The following SMC4 variants were observed in gnomAD, a reference collection of about 807,000 sequenced individuals.
SMC4 encodes the protein structural maintenance of chromosomes protein 4.
A neutral mutation model predicts 145.6 loss-of-function variants in SMC4; 87 were observed. The observed-to-expected ratio is 0.60, with a 90% CI of 0.50 to 0.71. The LOEUF is 0.71. SMC4 is among the 30% of genes least tolerant of loss of function. The probability of loss-of-function intolerance (pLI) is 0.00; values close to 1 mark genes in which losing one functional copy is unlikely to be tolerated. For synonymous variants in SMC4, 558 were observed against 500.7 expected (o/e 1.11, Z -1.53); for missense variants, 1,447 against 1,537.1 (o/e 0.94, Z 0.98).
chr3:160,423,749 CCT>C lies in SMC4; in HGVS notation c.2246-11_2246-10del, dbSNP rs749775840. The C allele has an allele frequency of 3.6e-5, 58 of 1,612,250 alleles. No individual in the cohort carries two copies. The highest frequency in any genetic ancestry group is 1.7e-4 in the African/African-American group (13 of 74,820). On this transcript the variant is annotated splice_polypyrimidine_tract_variant and intron_variant, in intron 14 of 23. Coordinates refer to ENST00000357388, the MANE Select transcript of SMC4 (RefSeq NM_001002800.3). ...AGACATCTGAAGCTGACTTCTCTCC[CCT>C]GTTTTCCAGGTACAATGACTGGTGG... is the stretch of plus-strand genomic sequence containing the variant.
intron 5 of SMC4, among the ~76,000 whole-genome samples, chr3:160,407,078 T>C (rs568791018): frequency 1.1e-4 from 17 of 152,300 alleles, no homozygotes; most frequent in African/African-American, 3.6e-4. Flanking sequence ...AGGGGTGCTT[T>C]TGCTCCATTC....
Position 160,417,790 on chromosome 3 carries a change from C to T in SMC4, c.1505C>T (p.Ala502Val), listed in dbSNP as rs1352297836. Residue 502 changes from alanine to valine, a missense_variant, in exon 11 of 24, where the codon GCC (alanine) becomes GTC (valine). Coordinates refer to ENST00000357388, the MANE Select transcript of SMC4 (RefSeq NM_001002800.3). ...VNEARSKMDVAQSELDIYLSR... is the reference protein window; with the variant it reads ...VNEARSKMDVVQSELDIYLSR... ...GAAGCACGTTCAAAGATGGATGTAG[C>T]CCAGTCAGAACTTGATATCTATCTC... 3 of 1,613,546 alleles carry T rather than the reference C, an allele frequency of 1.9e-6. No individual in the cohort carries two copies. Among genetic ancestry groups the T allele is most frequent in the Non-Finnish European group, 1.7e-6 (2 of 1,179,808 alleles).
In SMC4 at chr3:160,404,593, G is replaced by A. The variant is rs773954608; in HGVS notation, c.687+89G>A. On this transcript the variant is annotated intron_variant, in intron 5 of 23. Coordinates refer to ENST00000357388, the MANE Select transcript of SMC4 (RefSeq NM_001002800.3). Reference sequence around the variant, plus strand: ...GTTGGATGAATCCTACATTTTTGAGGCCTTAAAGTACTGTAGCAGCACATC... The same window carrying A: ...GTTGGATGAATCCTACATTTTTGAGACCTTAAAGTACTGTAGCAGCACATC... 2.5e-6 allele frequency: 3 copies of A among 1,181,804 alleles called. No individual in the cohort carries two copies. The African/African-American group carries it at 4.5e-5, about 18-fold the overall frequency. 73.2% of individuals were successfully genotyped at this position (1,181,804 alleles called of 1,614,324 possible). A position where few individuals can be genotyped will look rare whatever the true frequency, so the allele number is the denominator to read the frequency against.
At chr3:160,412,643 C>T in intron 7 of SMC4, 190 bp downstream of exon 7, 1 of 1,145,292 alleles carries the variant, frequency 8.7e-7, no homozygotes, top group Non-Finnish European at 1.1e-6. Context: ...AGGAGGATCA[C>T]TTGAGGCTGG....
Position 160,432,435 on chromosome 3 carries a change from C to A in SMC4, c.3450C>A (p.Tyr1150Ter), listed in dbSNP as rs1320258171. 1.2e-6 allele frequency: 2 copies of A among 1,613,048 alleles called. No homozygotes were observed. Among genetic ancestry groups the A allele is most frequent in the South Asian group, 1.1e-5 (1 of 90,842 alleles). Residue 1150 changes from tyrosine to a stop codon, truncating the protein, a stop_gained, in exon 22 of 24, where the codon TAC becomes TAA. Transcript: ENST00000357388. LOFTEE classifies it high-confidence loss of function. ...YIITNKLKEN[Y>*]QMLTLGGDAE... ...TAACAAATAAATTAAAGGAAAATTA[C>A]CAAATGCTTACTTTGGGAGGGGACG...
chr3:160,402,917 T>G, intron 4 of SMC4, 50 bp downstream of exon 4: 1 of 1,291,836 alleles, frequency 7.7e-7, no homozygotes, highest in Non-Finnish European at 1.1e-6. Context: ...AAAATGGACT[T>G]AAATGCATTA....
chr3:160,424,917 A>C lies in SMC4; in HGVS notation c.2376A>C (p.Gln792His), dbSNP rs887890715. The change falls in exon 16 of 24, where the codon CAA becomes CAC. Residue 792 changes from glutamine (Q) to histidine (H), a missense_variant. Coordinates refer to ENST00000357388, the MANE Select transcript of SMC4 (RefSeq NM_001002800.3). ...QLQNDSKKAM[Q>H]IQEQKVQLEE... ...AAAACGACTCTAAAAAAGCAATGCA[A>C]ATCCAAGAACAGAAAGTACAACTTG... 7 of 1,614,008 alleles carry C rather than the reference A, an allele frequency of 4.3e-6. No individual in the cohort carries two copies. Among genetic ancestry groups the C allele is most frequent in the Admixed American group, 1.7e-5 (1 of 59,996 alleles).
chr3:160,414,037 T>G (rs1716328289), intron 8 of SMC4: 1 of 379,938 alleles, frequency 2.6e-6, no homozygotes, highest in Non-Finnish European at 4.9e-6. Context: ...ATAGTAAGTT[T>G]ATTGTATAGT....
chr3:160,427,380 T>C (rs553778437), intron 17 of SMC4, among the ~76,000 whole-genome samples: 2 of 152,252 alleles, frequency 1.3e-5, no homozygotes, highest in African/African-American at 4.8e-5. Flanking sequence ...ACACAAACCA[T>C]TGTGGCTGGA....
At position 160,423,464 on chromosome 3, in the gene SMC4, C is replaced by G. The variant is rs754925702; in HGVS notation, c.2059C>G (p.Pro687Ala). The G allele has an allele frequency of 1.2e-6, 2 of 1,605,342 alleles. No homozygotes were observed. Among genetic ancestry groups the G allele is most frequent in the East Asian group, 4.5e-5 (2 of 44,636 alleles). ...WAKKMTEIQT[P>A]ENTPRLFDLV... ...GAAAAAGATGACCGAAATTCAAACT[C>G]CTGAAAATACTCCTCGTTTATTTGA... The change falls in exon 14 of 24, where the codon CCT becomes GCT. Residue 687 changes from proline (P) to alanine (A), a missense_variant. Physicochemically the swap from Pro to Ala is conservative, Grantham distance 27. Coordinates refer to ENST00000357388, the MANE Select transcript of SMC4 (RefSeq NM_001002800.3).
At chr3:160,404,248 T>C (rs1226006159) in intron 4 of SMC4, 80 bp from the exon 5 acceptor site, 7 of 1,304,720 alleles carry the variant, frequency 5.4e-6, no homozygotes, top group South Asian at 1.4e-5. Context: ...TTAGTTTCAG[T>C]ATGAAATGAG....
At chr3:160,401,402 G>A (rs1434385713) in intron 2 of SMC4, among the ~76,000 whole-genome samples, 1 of 152,124 alleles carries the variant, frequency 6.6e-6, no homozygotes, top group African/African-American at 2.4e-5. Flanking sequence ...TTAAAGAGAA[G>A]ACGATAATTT....
chr3:160,412,499 C>T lies in SMC4; in HGVS notation c.980+46C>T, dbSNP rs143295833. 6.8e-4 allele frequency: 1,044 copies of T among 1,539,924 alleles called. 4 individuals carry two copies. In the African/African-American group the frequency reaches 0.011, roughly 17 times the overall value. ...TACCAATTTTTATATTAGTTTTTAACCATTAAGTCAAAGCCCTTCTCTTTT... is the reference window on the plus strand; with the variant it reads ...TACCAATTTTTATATTAGTTTTTAATCATTAAGTCAAAGCCCTTCTCTTTT... On this transcript the variant is annotated intron_variant, in intron 7 of 23. Coordinates refer to ENST00000357388, the MANE Select transcript of SMC4 (RefSeq NM_001002800.3).
At chr3:160,402,972 G>A (rs1452204024) in intron 4 of SMC4, 105 bp downstream of exon 4, 20 of 754,784 alleles carry the variant, frequency 2.6e-5, no homozygotes, top group Non-Finnish European at 3.9e-5. Context: ...TAATTACAGC[G>A]GAAAGCATTG....
rs1455236521 is a variant in SMC4 at position 160,434,010 on chromosome 3, T to A, written c.*201T>A. On this transcript the variant is annotated 3_prime_UTR_variant, in exon 24 of 24. Transcript: ENST00000357388. ...AGATTACAAAAATATGACAATCTTG[T>A]AAGTAGCAGACTATGGAGAAAAATG... 1 of 412,732 alleles carries A rather than the reference T, an allele frequency of 2.4e-6. No homozygotes were observed. The highest frequency in any genetic ancestry group is 4.9e-5 in the Admixed American group (1 of 20,362). 25.6% of individuals were successfully genotyped at this position (412,732 alleles called of 1,614,324 possible). A position where few individuals can be genotyped will look rare whatever the true frequency, so the allele number is the denominator to read the frequency against.
rs1156810750 is a variant in SMC4, at chr3:160,434,444, GAAGT to G, written c.*639_*642del. 1.3e-5 allele frequency: 2 copies of G among 152,162 alleles called. No individual in the cohort carries two copies. Among genetic ancestry groups the G allele is most frequent in the East Asian group, 1.9e-4 (1 of 5,190 alleles). The allele number at this position is 152,162 out of a possible 1,614,324, so 9.4% of individuals were successfully genotyped here. A position where few individuals can be genotyped will look rare whatever the true frequency, so the allele number is the denominator to read the frequency against. ...CCCACTATAGTTGCTTCATGAGTATGAAGTAAGATGGCCTCTGATTTACACTGGT... is the reference window on the plus strand; with the variant it reads ...CCCACTATAGTTGCTTCATGAGTATGAAGATGGCCTCTGATTTACACTGGT... On this transcript the variant is annotated 3_prime_UTR_variant, in exon 24 of 24. Coordinates refer to ENST00000357388, the MANE Select transcript of SMC4 (RefSeq NM_001002800.3).
At chr3:160,412,529 G>C in intron 7 of SMC4, 76 bp downstream of exon 7, 1 of 1,463,608 alleles carries the variant, frequency 6.8e-7, no homozygotes, top group Non-Finnish European at 9.0e-7. Context: ...TCTTTTCCTA[G>C]AGAAACATGA....
intron 5 of SMC4, among the ~76,000 whole-genome samples, chr3:160,410,867 C>T (rs190120190): frequency 3.0e-4 from 45 of 152,306 alleles, no homozygotes; most frequent in Middle Eastern, 3.4e-3. Context: ...AAACAATATA[C>T]TATTTTTAAT....
In SMC4 at chr3:160,420,691, C is replaced by A. The variant is rs1717067470; in HGVS notation, c.1858-49C>A. On this transcript the variant is annotated intron_variant, in intron 12 of 23. Transcript: ENST00000357388. ...TTTAAAACTTGATGAATGAAATGGT[C>A]CTGTGCTTTTCTGCCTAACTCTTTT... 7 of 1,585,608 alleles carry A rather than the reference C, an allele frequency of 4.4e-6. No homozygotes were observed. The Admixed American group carries it at 1.1e-4, about 25-fold the overall frequency.
Sources: allele counts gnomAD v4.1 joint callset (sites outside exome capture counted in the v4.1 genomes callset), GRCh38; gene constraint gnomAD v4.1.1; transcripts MANE v1.5; gene names NCBI Gene and HGNC (gene_info 2026-07-23, HGNC 2026-07-21).